The following FOXN2 variants were observed in gnomAD, a reference collection of about 807,000 sequenced individuals.
FOXN2 encodes the protein forkhead box N2, also known as forkhead box protein N2.
In FOXN2, 19 loss-of-function variants were observed where a neutral mutation model predicts 41.2. The observed-to-expected ratio is 0.46, with a 90% CI of 0.32 to 0.68. The LOEUF (loss-of-function observed/expected upper bound fraction) is 0.68, where lower values mean the gene tolerates loss of function less well. Ranked by LOEUF, FOXN2 falls within the 30% of genes least tolerant of loss-of-function variation. The probability of loss-of-function intolerance (pLI) is 0.03; values close to 1 mark genes in which losing one functional copy is unlikely to be tolerated. For missense variants in FOXN2, 587 were observed against 509.4 expected (o/e 1.15, Z -1.47); for synonymous variants, 195 against 176.8 (o/e 1.10, Z -0.82).
rs1673398357 is a variant in FOXN2, at chr2:48,378,752, TTAA to T, written c.*3311_*3313del. 1 of 152,324 alleles carries T rather than the reference TTAA, an allele frequency of 6.6e-6. No homozygotes were observed. The highest frequency in any genetic ancestry group is 2.4e-5 in the African/African-American group (1 of 41,404). The allele number at this position is 152,324 out of a possible 1,614,324, so 9.4% of individuals were successfully genotyped here. A position where few individuals can be genotyped will look rare whatever the true frequency, so the allele number is the denominator to read the frequency against. On this transcript the variant is annotated 3_prime_UTR_variant, in exon 7 of 7. Coordinates refer to ENST00000340553, the MANE Select transcript of FOXN2 (RefSeq NM_002158.4). ...TTTAAACCAAGTTTACTTCAGTATG[TTAA>T]TGATGTAGTAAAAATATTTATTGAA... is the stretch of plus-strand genomic sequence containing the variant.
At chr2:48,337,867 T>A (rs2104298476) in intron 2 of FOXN2, among the ~76,000 whole-genome samples, 1 of 151,810 alleles carries the variant, frequency 6.6e-6, no homozygotes, top group South Asian at 2.1e-4. Context: ...AATTGAAAAG[T>A]TTTTCCAGTA....
At chr2:48,324,237 CA>C (rs2104129471) in intron 1 of FOXN2, among the ~76,000 whole-genome samples, 1 of 113,622 alleles carries the variant, frequency 8.8e-6, no homozygotes, top group East Asian at 2.8e-4. Context: ...CTCTGTCTCC[CA>C]GGCCTGGAGT....
chr2:48,321,673 A>T (rs1244317568), intron 1 of FOXN2, among the ~76,000 whole-genome samples: 3 of 152,072 alleles, frequency 2.0e-5, no homozygotes, highest in African/African-American at 7.2e-5. Context: ...ATTATTTAGT[A>T]CATTTTATGT....
At chr2:48,365,943 C>T (rs1361977367) in intron 5 of FOXN2, among the ~76,000 whole-genome samples, 1 of 152,150 alleles carries the variant, frequency 6.6e-6, no homozygotes, top group Non-Finnish European at 1.5e-5. Flanking sequence ...GTTTAAAAAA[C>T]ACCAAGTGGA....
Position 48,375,162 on chromosome 2 carries a change from G to C in FOXN2, c.1015G>C (p.Val339Leu). 2.5e-6 allele frequency: 4 copies of C among 1,614,162 alleles called. No homozygotes were observed. The highest frequency in any genetic ancestry group is 3.4e-6 in the Non-Finnish European group (4 of 1,180,014). ...VYEFIPKNSH[V>L]GSDGSEGFHS... ...TGAATTTATCCCAAAGAATAGTCACGTGGGAAGTGATGGCAGTGAAGGATT... is the reference window on the plus strand; with the variant it reads ...TGAATTTATCCCAAAGAATAGTCACCTGGGAAGTGATGGCAGTGAAGGATT... Residue 339 changes from valine (V) to leucine (L), a missense_variant, in exon 7 of 7, where the codon GTG becomes CTG. Val to Leu is a conservative substitution (Grantham distance 32, BLOSUM62 1). Transcript: ENST00000340553.
At chr2:48,338,514 G>C (rs2104304753) in intron 2 of FOXN2, among the ~76,000 whole-genome samples, 1 of 151,968 alleles carries the variant, frequency 6.6e-6, no homozygotes, top group East Asian at 1.9e-4. Flanking sequence ...CCATTCTCCT[G>C]CCTCAGCCTC....
chr2:48,317,192 T>TA (rs1373945823), intron 1 of FOXN2, among the ~76,000 whole-genome samples: 2 of 152,072 alleles, frequency 1.3e-5, no homozygotes, highest in Admixed American at 1.3e-4. Context: ...CTCGTGCCTG[T>TA]AATCCCAGCA....
intron 1 of FOXN2, among the ~76,000 whole-genome samples, chr2:48,321,308 G>A (rs1173750995): frequency 2.0e-5 from 3 of 152,092 alleles, no homozygotes; most frequent in Admixed American, 1.3e-4. Flanking sequence ...GGCCAGGGTG[G>A]GCGGATCACG....
chr2:48,330,016 T>C (rs1362840192), intron 2 of FOXN2, among the ~76,000 whole-genome samples: 2 of 152,092 alleles, frequency 1.3e-5, no homozygotes, highest in East Asian at 3.8e-4. Flanking sequence ...AGAAAATGGT[T>C]TTCCTTTTTT....
chr2:48,344,344 A>G (rs945197622), intron 2 of FOXN2, among the ~76,000 whole-genome samples: 2 of 152,196 alleles, frequency 1.3e-5, no homozygotes, highest in African/African-American at 4.8e-5. Flanking sequence ...AGAACTGGAT[A>G]TGGAAAGAAT....
intron 5 of FOXN2, among the ~76,000 whole-genome samples, chr2:48,371,539 G>A (rs911432387): frequency 3.3e-5 from 5 of 152,000 alleles, no homozygotes; most frequent in African/African-American, 7.3e-5. Context: ...AGGTCTGTTT[G>A]TATTTTGCCT....
At chr2:48,347,313 G>A (rs951788317) in intron 3 of FOXN2, among the ~76,000 whole-genome samples, 5 of 140,176 alleles carry the variant, frequency 3.6e-5, no homozygotes, top group Middle Eastern at 3.7e-3. Flanking sequence ...TGCAACCTCC[G>A]TCTCCTGGGT....
At chr2:48,368,462 C>G (rs989058329) in intron 5 of FOXN2, among the ~76,000 whole-genome samples, 3 of 152,120 alleles carry the variant, frequency 2.0e-5, no homozygotes, top group Non-Finnish European at 4.4e-5. Flanking sequence ...CTCAGGAGTT[C>G]AAGACCAGCC....
intron 1 of FOXN2, among the ~76,000 whole-genome samples, chr2:48,322,685 A>G (rs1030189355): frequency 1.3e-5 from 2 of 150,030 alleles, no homozygotes; most frequent in African/African-American, 4.9e-5. Context: ...GAGCTCTATC[A>G]CCTCATGTCT....
Position 48,362,703 on chromosome 2 carries a change from C to G in FOXN2, c.699C>G (p.Leu233=). The part of the protein sequence containing the change: ...SVIKQNQVRN[L]KESDIDAAAA... ...TCAAGCAGAACCAGGTGCGAAACCTCAAAGGTATGTGTGAATATCAGTACA... is the reference window on the plus strand; with the variant it reads ...TCAAGCAGAACCAGGTGCGAAACCTGAAAGGTATGTGTGAATATCAGTACA... Residue 233 remains leucine (L), a synonymous_variant, in exon 5 of 7, where the codon CTC becomes CTG. Coordinates refer to ENST00000340553, the MANE Select transcript of FOXN2 (RefSeq NM_002158.4). 6.2e-7 allele frequency: 1 copy of G among 1,612,920 alleles called. No individual in the cohort carries two copies. The highest frequency in any genetic ancestry group is 8.5e-7 in the Non-Finnish European group (1 of 1,178,940).
At chr2:48,373,267 A>G in intron 5 of FOXN2, 25 bp from the exon 6 acceptor site, 1 of 1,515,700 alleles carries the variant, frequency 6.6e-7, no homozygotes. Context: ...AAGAACATTA[A>G]TATTATTACT....
At chr2:48,338,043 A>C (rs747504575) in intron 2 of FOXN2, among the ~76,000 whole-genome samples, 3 of 152,236 alleles carry the variant, frequency 2.0e-5, no homozygotes, top group Non-Finnish European at 2.9e-5. Flanking sequence ...AATCATTATG[A>C]AAATTAATCA....
rs1054817236 is a variant in FOXN2, at chr2:48,325,515, A to G, written c.-156-3046A>G. 9.3e-5 allele frequency among the ~76,000 whole-genome samples: 14 copies of G among 151,004 alleles called. 1 individual carries two copies. The highest frequency in any genetic ancestry group is 8.6e-4 in the Admixed American group (13 of 15,154). ...GAAAGGAAATGTAGATCTCACATGT[A>G]TGTATCTATAGGAAAGGTAGTAATA... On this transcript the variant is annotated intron_variant, in intron 1 of 6. Transcript: ENST00000340553.
chr2:48,336,858 G>T (rs568668587), intron 2 of FOXN2, among the ~76,000 whole-genome samples: 3 of 151,984 alleles, frequency 2.0e-5, no homozygotes, highest in African/African-American at 7.2e-5. Flanking sequence ...TATTTATGGG[G>T]TACGTGAGAT....
Sources: gnomAD v4.1 joint callset for allele counts (sites outside exome capture counted in the v4.1 genomes callset) on GRCh38, gnomAD v4.1.1 for gene constraint, MANE v1.5 for transcripts, NCBI Gene and HGNC (gene_info 2026-07-23, HGNC 2026-07-21) for gene names.